KHDRBS3: variants seen among roughly 807,000 people sequenced by gnomAD.
KHDRBS3 encodes KH RNA binding domain containing, signal transduction associated 3.
In KHDRBS3, 23 loss-of-function variants were observed where a neutral mutation model predicts 45.6. The ratio of observed to expected loss-of-function variants is 0.50; its 90% CI spans 0.36 to 0.72. KHDRBS3 has a LOEUF of 0.72. Among genes scored for constraint, KHDRBS3 ranks in the 30% least tolerant of loss-of-function variants. The pLI, the probability that KHDRBS3 is intolerant of heterozygous loss-of-function variation, is 0.00. For missense variants in KHDRBS3, 352 were observed against 424.8 expected (o/e 0.83, Z 1.51); for synonymous variants, 162 against 156.5 (o/e 1.04, Z -0.26).
intron 4 of KHDRBS3, among the ~76,000 whole-genome samples, chr8:135,552,815 G>C (rs981616905): frequency 7.9e-5 from 12 of 152,060 alleles, no homozygotes; most frequent in African/African-American, 2.4e-4. Context: ...TGTCAGCACT[G>C]CTTAGTGGAC....
intron 1 of KHDRBS3, among the ~76,000 whole-genome samples, chr8:135,481,047 A>G (rs973932937): frequency 6.6e-6 from 1 of 152,022 alleles, no homozygotes; most frequent in African/African-American, 2.4e-5. Flanking sequence ...AGCAAATCCA[A>G]TGAAGTCATT....
At chr8:135,541,428 A>T (rs1272727030) in intron 2 of KHDRBS3, 1 of 152,252 alleles carries the variant, frequency 6.6e-6, no homozygotes, top group Non-Finnish European at 1.5e-5. Flanking sequence ...GCATTTTAAC[A>T]AGCAAAAAAT....
intron 1 of KHDRBS3, among the ~76,000 whole-genome samples, chr8:135,483,935 T>G (rs377542030): frequency 1.3e-5 from 2 of 152,160 alleles, no homozygotes; most frequent in Non-Finnish European, 2.9e-5. Flanking sequence ...ATGTTCACTA[T>G]TTTTGGAAGA....
chr8:135,462,465 T>C (rs1459531997), intron 1 of KHDRBS3, among the ~76,000 whole-genome samples: 2 of 152,154 alleles, frequency 1.3e-5, no homozygotes, highest in East Asian at 3.9e-4. Flanking sequence ...GCTCCTGCTC[T>C]CCTCTGTGTG....
At chr8:135,639,264 T>G (rs1297383666) in intron 7 of KHDRBS3, among the ~76,000 whole-genome samples, 1 of 152,142 alleles carries the variant, frequency 6.6e-6, no homozygotes, top group Non-Finnish European at 1.5e-5. Context: ...GAGGAAATCA[T>G]AGAGAGTGGG....
At chr8:135,537,574 A>G (rs73373316) in intron 2 of KHDRBS3, among the ~76,000 whole-genome samples, 1 of 152,182 alleles carries the variant, frequency 6.6e-6, no homozygotes, top group African/African-American at 2.4e-5. Context: ...TTGAAAACCA[A>G]CTCAGGGTAT....
At chr8:135,636,992 T>C (rs904801325) in intron 7 of KHDRBS3, among the ~76,000 whole-genome samples, 2 of 152,224 alleles carry the variant, frequency 1.3e-5, no homozygotes, top group African/African-American at 4.8e-5. Flanking sequence ...GTAGGAGCAC[T>C]AGTGAACAAG....
chr8:135,593,824 G>A (rs1342144532), intron 6 of KHDRBS3, among the ~76,000 whole-genome samples: 2 of 152,086 alleles, frequency 1.3e-5, no homozygotes, highest in East Asian at 3.9e-4. Flanking sequence ...TTGAGAATTA[G>A]AACACCTATA....
At chr8:135,489,604 A>C (rs2130401529) in intron 1 of KHDRBS3, among the ~76,000 whole-genome samples, 1 of 152,130 alleles carries the variant, frequency 6.6e-6, no homozygotes, top group South Asian at 2.1e-4. Context: ...CTTGAACTCA[A>C]AAGGTAGAGG....
chr8:135,617,610 G>A (rs1279843876), intron 7 of KHDRBS3, among the ~76,000 whole-genome samples: 1 of 152,308 alleles, frequency 6.6e-6, no homozygotes, highest in East Asian at 1.9e-4. Context: ...TTTTATGGAT[G>A]AGGAAATTGT....
chr8:135,521,162 T>C, intron 1 of KHDRBS3, 75 bp from the exon 2 acceptor site: 2 of 839,982 alleles, frequency 2.4e-6, no homozygotes, highest in Non-Finnish European at 4.0e-6. Context: ...TTCATGCCAC[T>C]ACAGAGCTAA....
intron 1 of KHDRBS3, among the ~76,000 whole-genome samples, chr8:135,507,729 A>C (rs1220296599): frequency 6.6e-6 from 1 of 152,180 alleles, no homozygotes; most frequent in East Asian, 1.9e-4. Context: ...AGTATGCATA[A>C]CACTCCCTGT....
Position 135,655,815 on chromosome 8 carries a change from T to C in KHDRBS3, c.*118-411T>C, listed in dbSNP as rs112532839. On this transcript the variant is annotated intron_variant and NMD_transcript_variant, in intron 4 of 4. Transcript: ENST00000521461. The stretch of plus-strand genomic sequence containing the variant: ...TTTCGTATGACACATCAAAATAGGT[T>C]CTTTGGGGTTAGGTAATACAATTTA... Among the ~76,000 whole-genome samples, 52 of 152,336 alleles carry C rather than the reference T, an allele frequency of 3.4e-4. 2 individuals carry two copies. Among genetic ancestry groups the C allele is most frequent in the African/African-American group, 1.2e-3 (49 of 41,574 alleles).
chr8:135,579,399 A>C lies in KHDRBS3; in HGVS notation c.612-2479A>C, dbSNP rs750635883. Among the ~76,000 whole-genome samples the C allele has an allele frequency of 2.4e-4, 36 of 152,244 alleles. 1 individual carries two copies. Among genetic ancestry groups the C allele is most frequent in the Middle Eastern group, 3.4e-3 (1 of 294 alleles). On this transcript the variant is annotated intron_variant, in intron 5 of 8. Transcript: ENST00000355849. Reference sequence around the variant, plus strand: ...CCAGGCTGGAGTGCATCTAGGTGGCACCATCTAGGCTCACTGCAACCTCTG... The same window carrying C: ...CCAGGCTGGAGTGCATCTAGGTGGCCCCATCTAGGCTCACTGCAACCTCTG...
chr8:135,576,448 T>G (rs540019299), intron 5 of KHDRBS3, among the ~76,000 whole-genome samples: 1 of 152,220 alleles, frequency 6.6e-6, no homozygotes, highest in African/African-American at 2.4e-5. Flanking sequence ...GATATTAATT[T>G]TATACATTGT....
At chr8:135,565,717 C>T (rs1427762843) in intron 5 of KHDRBS3, among the ~76,000 whole-genome samples, 1 of 152,140 alleles carries the variant, frequency 6.6e-6, no homozygotes, top group African/African-American at 2.4e-5. Flanking sequence ...CACTTTCCAG[C>T]AGCTGTGGTT....
intron 1 of KHDRBS3, among the ~76,000 whole-genome samples, chr8:135,472,137 G>T (rs918186297): frequency 6.6e-6 from 1 of 152,162 alleles, no homozygotes; most frequent in African/African-American, 2.4e-5. Flanking sequence ...AGAACTTCCG[G>T]ATACTGATTT....
At chr8:135,574,879 G>T (rs1827880118) in intron 5 of KHDRBS3, among the ~76,000 whole-genome samples, 1 of 152,134 alleles carries the variant, frequency 6.6e-6, no homozygotes, top group African/African-American at 2.4e-5. Context: ...CACTTTATGT[G>T]CACTGTCTCA....
chr8:135,484,620 T>G (rs1436384169), intron 1 of KHDRBS3, among the ~76,000 whole-genome samples: 3 of 152,254 alleles, frequency 2.0e-5, no homozygotes, highest in Non-Finnish European at 4.4e-5. Flanking sequence ...AAAGTGAACA[T>G]GGCATTTATG....
Sources: allele counts gnomAD v4.1 joint callset (sites outside exome capture counted in the v4.1 genomes callset), GRCh38; gene constraint gnomAD v4.1.1; transcripts MANE v1.5; gene names NCBI Gene and HGNC (gene_info 2026-07-23, HGNC 2026-07-21).